Variants in NRG3 observed in about 807,000 individuals in gnomAD.
NRG3 encodes the protein neuregulin 3.
Under a neutral mutation model 66.9 loss-of-function variants are expected in NRG3, and 31 were observed. The observed-to-expected ratio is 0.46, with a 90% CI of 0.35 to 0.63. The LOEUF (loss-of-function observed/expected upper bound fraction) is 0.63. Ranked by LOEUF, NRG3 falls within the 20% of genes least tolerant of loss-of-function variation. The probability of loss-of-function intolerance (pLI) is 0.00; values close to 1 mark genes in which losing one functional copy is unlikely to be tolerated. For synonymous variants in NRG3, 393 were observed against 359.4 expected (o/e 1.09, Z -1.06); for missense variants, 910 against 878.9 (o/e 1.04, Z -0.45).
intron 3 of NRG3, among the ~76,000 whole-genome samples, chr10:82,813,145 T>C (rs1225044399): frequency 6.6e-6 from 1 of 151,592 alleles, no homozygotes; most frequent in Non-Finnish European, 1.5e-5. Flanking sequence ...TTTTGATGAG[T>C]TAATCAAGTT....
At position 82,636,235 on chromosome 10, in the gene NRG3, GTGTGTC is replaced by G. The variant is rs2050187493; in HGVS notation, c.954-102336_954-102331del. Among the ~76,000 whole-genome samples the G allele has an allele frequency of 3.9e-5, 6 of 151,924 alleles. No individual in the cohort carries two copies. The South Asian group carries it at 1.3e-3, about 32-fold the overall frequency. On this transcript the variant is annotated intron_variant, in intron 2 of 8. Coordinates refer to ENST00000372141, the MANE Select transcript of NRG3 (RefSeq NM_001010848.4). ...TGTCTATCTACATATGTGTGTGTGT[GTGTGTC>G]TGTGTGTGTGTGTGTGTGTAAATAT...
At chr10:82,113,125 C>T (rs17639667) in intron 1 of NRG3, among the ~76,000 whole-genome samples, 5,141 of 152,200 alleles carry the variant, frequency 0.034, 126 homozygotes, top group Non-Finnish European at 0.049. Context: ...GTAAGGCATT[C>T]GGGAAAATAA....
chr10:82,318,550 G>A (rs546233941), intron 1 of NRG3, among the ~76,000 whole-genome samples: 3 of 152,286 alleles, frequency 2.0e-5, no homozygotes, highest in Middle Eastern at 3.4e-3. Flanking sequence ...CAACTTTTGA[G>A]TCTATATTCT....
At chr10:82,925,601 T>C (rs1415145691) in intron 4 of NRG3, among the ~76,000 whole-genome samples, 1 of 152,194 alleles carries the variant, frequency 6.6e-6, no homozygotes, top group African/African-American at 2.4e-5. Context: ...TCTTCTTAAT[T>C]CCCAGTAGCA....
intron 2 of NRG3, among the ~76,000 whole-genome samples, chr10:82,683,528 T>C (rs1367353217): frequency 6.6e-6 from 1 of 152,242 alleles, no homozygotes; most frequent in Non-Finnish European, 1.5e-5. Flanking sequence ...TTTATCATTA[T>C]GTTTCTACAG....
intron 2 of NRG3, among the ~76,000 whole-genome samples, chr10:82,416,912 A>C (rs912046507): frequency 6.6e-6 from 1 of 152,108 alleles, no homozygotes; most frequent in Non-Finnish European, 1.5e-5. Flanking sequence ...AGTACTTAAC[A>C]TGGAGACTTT....
chr10:82,038,809 C>T (rs1331121027), intron 1 of NRG3, among the ~76,000 whole-genome samples: 1 of 152,082 alleles, frequency 6.6e-6, no homozygotes, highest in Non-Finnish European at 1.5e-5. Flanking sequence ...TGTTCTGTCT[C>T]TCCCAGTTCA....
intron 2 of NRG3, among the ~76,000 whole-genome samples, chr10:82,691,842 CAT>C (rs1329080060): frequency 6.6e-6 from 1 of 152,174 alleles, no homozygotes; most frequent in Non-Finnish European, 1.5e-5. Context: ...GGCTCACAGT[CAT>C]GTGGCTGAGC....
At chr10:82,668,524 C>T (rs1012049307) in intron 2 of NRG3, among the ~76,000 whole-genome samples, 1 of 152,010 alleles carries the variant, frequency 6.6e-6, no homozygotes, top group Non-Finnish European at 1.5e-5. Flanking sequence ...TAGATACAGG[C>T]CAAATTTACC....
At chr10:82,189,399 G>C (rs554058944) in intron 1 of NRG3, among the ~76,000 whole-genome samples, 1 of 152,208 alleles carries the variant, frequency 6.6e-6, no homozygotes, top group East Asian at 1.9e-4. Context: ...ACTCACACCT[G>C]TAATCCCAGC....
At chr10:82,397,125 T>C (rs1201333459) in intron 2 of NRG3, among the ~76,000 whole-genome samples, 1 of 152,182 alleles carries the variant, frequency 6.6e-6, no homozygotes, top group East Asian at 1.9e-4. Flanking sequence ...TTTCAGATAG[T>C]AATTTGCCCA....
At chr10:82,728,047 C>A (rs953188032) in intron 2 of NRG3, among the ~76,000 whole-genome samples, 2 of 152,180 alleles carry the variant, frequency 1.3e-5, no homozygotes, top group Admixed American at 1.3e-4. Context: ...TACCCAATGC[C>A]TGTGCCCCCA....
intron 2 of NRG3, among the ~76,000 whole-genome samples, chr10:82,735,405 G>T (rs1055655546): frequency 1.3e-5 from 2 of 152,110 alleles, no homozygotes; most frequent in Admixed American, 6.5e-5. Context: ...AGCTTTGAAA[G>T]CAATACAGAG....
intron 2 of NRG3, among the ~76,000 whole-genome samples, chr10:82,619,074 T>A (rs1235024197): frequency 6.6e-6 from 1 of 152,150 alleles, no homozygotes; most frequent in Non-Finnish European, 1.5e-5. Flanking sequence ...GATTTTTATT[T>A]TTATCTATCA....
At position 82,613,907 on chromosome 10, in the gene NRG3, A is replaced by G. The variant is rs2048473211; in HGVS notation, c.954-124670A>G. ...CTGTGTCCATGTGTTCTCATTGTTT[A>G]TTTATTTATTTTTGAGACAGAGTCT... On this transcript the variant is annotated intron_variant, in intron 2 of 8. Transcript: ENST00000372141. Among the ~76,000 whole-genome samples the G allele has an allele frequency of 3.0e-5, 4 of 131,480 alleles. No individual in the cohort carries two copies. The Admixed American group carries it at 3.8e-4, about 13-fold the overall frequency. 86.3% of individuals were successfully genotyped at this position (131,480 alleles called of 152,430 possible). A position where few individuals can be genotyped will look rare whatever the true frequency, so the allele number is the denominator to read the frequency against.
intron 1 of NRG3, among the ~76,000 whole-genome samples, chr10:81,950,724 G>A (rs765828583): frequency 1.4e-4 from 22 of 152,156 alleles, no homozygotes; most frequent in Non-Finnish European, 2.8e-4. Context: ...TGTTCATGGT[G>A]AATAAAATGG....
intron 1 of NRG3, among the ~76,000 whole-genome samples, chr10:82,005,582 C>T (rs1196237268): frequency 6.6e-6 from 1 of 152,144 alleles, no homozygotes; most frequent in East Asian, 1.9e-4. Context: ...GTGTTGGTTT[C>T]CTGATACAAA....
chr10:82,599,380 A>G (rs989218355), intron 2 of NRG3, among the ~76,000 whole-genome samples: 1 of 152,186 alleles, frequency 6.6e-6, no homozygotes, highest in African/African-American at 2.4e-5. Context: ...GAGGAGACCA[A>G]ATAGCAGCTG....
At chr10:82,113,291 G>A (rs1383718415) in intron 1 of NRG3, among the ~76,000 whole-genome samples, 1 of 152,130 alleles carries the variant, frequency 6.6e-6, no homozygotes, top group Non-Finnish European at 1.5e-5. Flanking sequence ...ACATCACTGA[G>A]TTGTTCAGTG....
Sources: allele counts gnomAD v4.1 joint callset (sites outside exome capture counted in the v4.1 genomes callset), GRCh38; gene constraint gnomAD v4.1.1; transcripts MANE v1.5; gene names NCBI Gene and HGNC (gene_info 2026-07-23, HGNC 2026-07-21).